CUL3: variants seen among roughly 807,000 people sequenced by gnomAD.
CUL3 encodes cullin 3.
Under a neutral mutation model 89.1 loss-of-function variants are expected in CUL3, and 19 were observed. The observed-to-expected ratio is 0.21, with a 90% confidence interval of 0.15 to 0.31. CUL3 has a LOEUF of 0.31. Ranked by LOEUF, CUL3 falls within the 10% of genes least tolerant of loss-of-function variation. CUL3 has a pLI of 1.00. For missense variants in CUL3, 469 were observed against 942.3 expected (o/e 0.50, Z 6.58); for synonymous variants, 351 against 308.4 (o/e 1.14, Z -1.45).
intron 2 of CUL3, among the ~76,000 whole-genome samples, chr2:224,542,570 T>TGC (rs145744409): frequency 2.5e-4 from 38 of 150,994 alleles, no homozygotes; most frequent in African/African-American, 6.9e-4. Context: ...TGTGTGTGTG[T>TGC]GCGCGCGCGC....
chr2:224,523,457 CACTGTTGGTGGAAACCTA>C (rs551364328), intron 3 of CUL3, among the ~76,000 whole-genome samples: 148 of 150,664 alleles, frequency 9.8e-4, no homozygotes, highest in African/African-American at 3.5e-3. Context: ...AGCTCTCGTG[CACTGTTGGTGGAAACCTA>C]AGATAGTATA....
intron 11 of CUL3, 125 bp downstream of exon 11, chr2:224,500,238 C>T (rs946041680): frequency 6.9e-5 from 79 of 1,147,616 alleles, no homozygotes; most frequent in Middle Eastern, 2.7e-4. Context: ...GATAAATGCT[C>T]CTTTTGATCA....
chr2:224,561,829 T>C (rs1036196610), intron 1 of CUL3, among the ~76,000 whole-genome samples: 1 of 152,244 alleles, frequency 6.6e-6, no homozygotes, highest in Non-Finnish European at 1.5e-5. Flanking sequence ...AATGTGGTTT[T>C]AGTTTGTTGA....
chr2:224,492,439 G>A (rs1283696822), intron 13 of CUL3, among the ~76,000 whole-genome samples: 1 of 152,030 alleles, frequency 6.6e-6, no homozygotes, highest in Non-Finnish European at 1.5e-5. Flanking sequence ...GCTATTGTCT[G>A]TAGTTTTTAA....
At chr2:224,535,470 TTCAA>T in intron 3 of CUL3, 54 bp downstream of exon 3, 1 of 906,138 alleles carries the variant, frequency 1.1e-6, no homozygotes, top group South Asian at 2.6e-5. Context: ...GTGCCCAGCC[TTCAA>T]CTTCAAATGC....
intron 2 of CUL3, among the ~76,000 whole-genome samples, chr2:224,545,869 G>C (rs945943126): frequency 2.0e-5 from 3 of 152,120 alleles, no homozygotes; most frequent in African/African-American, 4.8e-5. Context: ...CATACATAAA[G>C]ATAATTTGCT....
At chr2:224,508,451 C>T (rs1464088198) in intron 6 of CUL3, among the ~76,000 whole-genome samples, 1 of 152,100 alleles carries the variant, frequency 6.6e-6, no homozygotes, top group African/African-American at 2.4e-5. Context: ...TGTGGCACAC[C>T]AAATACTTCT....
At chr2:224,497,946 G>C (rs1574629368) in intron 11 of CUL3, 97 bp from the exon 12 acceptor site, 2 of 893,660 alleles carry the variant, frequency 2.2e-6, no homozygotes, top group East Asian at 5.0e-5. Context: ...TTGTGTGTGT[G>C]TGTGTGTGTG....
chr2:224,550,085 C>T (rs1264494959), intron 2 of CUL3, among the ~76,000 whole-genome samples: 2 of 152,168 alleles, frequency 1.3e-5, no homozygotes, highest in East Asian at 1.9e-4. Flanking sequence ...TTTCTCTTGT[C>T]TCTGTGACTT....
Position 224,473,022 on chromosome 2 carries a change from T to C in CUL3, c.*1223A>G, listed in dbSNP as rs1020268235. On this transcript the variant is annotated 3_prime_UTR_variant, in exon 16 of 16. Transcript: ENST00000264414. Reference sequence around the variant, plus strand: ...AATAAAATTGAAGATAAAAATACTCTGGAAGCACAGGATATCTGACAAGAA... The same window carrying C: ...AATAAAATTGAAGATAAAAATACTCCGGAAGCACAGGATATCTGACAAGAA... The C allele has an allele frequency of 6.5e-5, 13 of 198,568 alleles. No homozygotes were observed. Among genetic ancestry groups the C allele is most frequent in the African/African-American group, 3.0e-4 (13 of 43,398 alleles). 12.3% of individuals were successfully genotyped at this position (198,568 alleles called of 1,614,324 possible).
chr2:224,580,132 G>A (rs1360009018), intron 1 of CUL3, among the ~76,000 whole-genome samples: 2 of 152,068 alleles, frequency 1.3e-5, no homozygotes, highest in Admixed American at 6.5e-5. Context: ...AAAGTTTTGT[G>A]GTCCTTGTTC....
intron 3 of CUL3, among the ~76,000 whole-genome samples, chr2:224,518,442 A>C (rs1693146318): frequency 6.6e-6 from 1 of 152,122 alleles, no homozygotes; most frequent in African/African-American, 2.4e-5. Context: ...ATTTGGGTAC[A>C]ATATTTTTGT....
chr2:224,502,598 C>T (rs1257023711), intron 10 of CUL3, among the ~76,000 whole-genome samples: 1 of 152,132 alleles, frequency 6.6e-6, no homozygotes, highest in Non-Finnish European at 1.5e-5. Flanking sequence ...CAAGATGACA[C>T]AATCTTGGGG....
chr2:224,554,408 G>T (rs567186154), intron 2 of CUL3, among the ~76,000 whole-genome samples: 2 of 152,282 alleles, frequency 1.3e-5, no homozygotes, highest in South Asian at 4.1e-4. Context: ...GAGGTTTACA[G>T]ACAGTAAGTC....
At chr2:224,495,595 A>T (rs1692143016) in intron 13 of CUL3, 1 of 295,922 alleles carries the variant, frequency 3.4e-6, no homozygotes, top group Non-Finnish European at 6.2e-6. Context: ...AAACTCATCA[A>T]ATTGTCTACT....
chr2:224,487,442 C>CG (rs1559340769), intron 13 of CUL3, among the ~76,000 whole-genome samples: 4 of 90,072 alleles, frequency 4.4e-5, no homozygotes, highest in African/African-American at 1.7e-4. Flanking sequence ...CCCGCCCCCC[C>CG]CAAAAAAAAA....
At chr2:224,524,565 C>G (rs80107170) in intron 3 of CUL3, among the ~76,000 whole-genome samples, 2 of 152,126 alleles carry the variant, frequency 1.3e-5, no homozygotes, top group African/African-American at 2.4e-5. Context: ...AGGAACTATG[C>G]TCTGTGAATA....
chr2:224,563,185 T>G (rs1166832152), intron 1 of CUL3: 2 of 465,012 alleles, frequency 4.3e-6, no homozygotes, highest in Admixed American at 2.4e-5. Flanking sequence ...AACACTATGA[T>G]AAATGCACCT....
intron 1 of CUL3, 25 bp from the exon 2 acceptor site, chr2:224,557,881 GACAAA>G: frequency 1.9e-5 from 1 of 53,730 alleles, no homozygotes; most frequent in Non-Finnish European, 2.9e-5. Context: ...AGAGAGAAGA[GACAAA>G]AAAAAAAAAA....
Sources: gnomAD v4.1 joint callset for allele counts (sites outside exome capture counted in the v4.1 genomes callset) on GRCh38, gnomAD v4.1.1 for gene constraint, MANE v1.5 for transcripts, NCBI Gene and HGNC (gene_info 2026-07-23, HGNC 2026-07-21) for gene names.